The following GABRA3 variants were observed in gnomAD, a reference collection of about 807,000 sequenced individuals.
The protein encoded by GABRA3 is gamma-aminobutyric acid receptor subunit alpha-3.
In GABRA3, 10 loss-of-function variants were observed where a neutral mutation model predicts 30.1. The observed-to-expected ratio is 0.33, with a 90% CI of 0.20 to 0.56. The LOEUF (loss-of-function observed/expected upper bound fraction) is 0.56, where lower values mean the gene tolerates loss of function less well. Among genes scored for constraint, GABRA3 ranks in the 20% least tolerant of loss-of-function variants. GABRA3 has a pLI of 0.89. For synonymous variants in GABRA3, 151 were observed against 146.8 expected, an observed-to-expected ratio of 1.03 and a Z score of -0.21; for missense variants, 233 against 392.0, an observed-to-expected ratio of 0.59 and a Z score of 3.42.
chrX:152,394,472 A>C (rs1185699739), intron 1 of GABRA3: 1 of 387,407 alleles, frequency 2.6e-6, no homozygotes, highest in Non-Finnish European at 5.2e-6. Context: ...CAGGAGTCTG[A>C]GCATTTGACC....
intron 3 of GABRA3, among the ~76,000 whole-genome samples, chrX:152,289,617 T>C (rs1939363832): frequency 9.0e-6 from 1 of 111,059 alleles, no homozygotes; most frequent in South Asian, 3.8e-4. Context: ...GCTGCACCCA[T>C]TAATTCATCA....
chrX:152,172,869 T>C (rs1340129487), intron 9 of GABRA3, among the ~76,000 whole-genome samples: 1 of 110,476 alleles, frequency 9.1e-6, no homozygotes, highest in East Asian at 2.8e-4. Context: ...TTCAGGAGAC[T>C]GCACAGCAAT....
intron 1 of GABRA3, among the ~76,000 whole-genome samples, chrX:152,375,533 T>C (rs1187689199): frequency 8.9e-6 from 1 of 112,249 alleles, no homozygotes; most frequent in Non-Finnish European, 1.9e-5. Context: ...TCACCCAGGC[T>C]CTTGGACTTG....
chrX:152,402,362 C>T (rs755661459), intron 1 of GABRA3, among the ~76,000 whole-genome samples: 14 of 111,745 alleles, frequency 1.3e-4, no homozygotes, highest in African/African-American at 4.2e-4. Flanking sequence ...TAGCATACAG[C>T]GAAAACAAGA....
At position 152,258,619 on chromosome X, in the gene GABRA3, T is replaced by C. The variant is rs143130059; in HGVS notation, c.331-2621A>G. Among the ~76,000 whole-genome samples the C allele has an allele frequency of 5.0e-4, 56 of 111,643 alleles. 1 individual carries two copies. The highest frequency in any genetic ancestry group is 9.4e-3 in the Middle Eastern group (2 of 212). On this transcript the variant is annotated intron_variant, in intron 4 of 9. Transcript: ENST00000370314. ...ATACATTACAATAGATCCCAGCCAG[T>C]ACATAATGAATTTAAAGAATACCAA... is the stretch of plus-strand genomic sequence containing the variant.
chrX:152,367,469 A>G (rs1433513133), intron 1 of GABRA3, among the ~76,000 whole-genome samples: 1 of 112,067 alleles, frequency 8.9e-6, no homozygotes, highest in African/African-American at 3.2e-5. Flanking sequence ...ACCCTACTAA[A>G]GAGCTAAAGG....
At chrX:152,215,880 G>A (rs771167780) in intron 6 of GABRA3, among the ~76,000 whole-genome samples, 1 of 110,950 alleles carries the variant, frequency 9.0e-6, no homozygotes, top group South Asian at 3.7e-4. Flanking sequence ...GTATATCTAA[G>A]GAACTCAAAT....
chrX:152,409,307 C>A (rs957878092), intron 1 of GABRA3, among the ~76,000 whole-genome samples: 3 of 111,757 alleles, frequency 2.7e-5, no homozygotes, highest in Non-Finnish European at 5.6e-5. Context: ...GATTGCACCA[C>A]TGCACTCCAG....
chrX:152,355,711 C>A, intron 2 of GABRA3, among the ~76,000 whole-genome samples: 1 of 111,940 alleles, frequency 8.9e-6, no homozygotes, highest in South Asian at 3.7e-4. Context: ...GCTGCTTAGG[C>A]ACTTACGTGT....
At chrX:152,371,176 C>T (rs1325707346) in intron 1 of GABRA3, among the ~76,000 whole-genome samples, 1 of 111,069 alleles carries the variant, frequency 9.0e-6, no homozygotes, top group Non-Finnish European at 1.9e-5. Flanking sequence ...ACTTCAATGT[C>T]CCACGATCCT....
intron 5 of GABRA3, among the ~76,000 whole-genome samples, chrX:152,230,558 T>C (rs759662038): frequency 9.0e-6 from 1 of 111,148 alleles, no homozygotes; most frequent in Non-Finnish European, 1.9e-5. Flanking sequence ...ACTTACACTT[T>C]CCAGTTTTAA....
chrX:152,214,310 A>G (rs1447143374), intron 6 of GABRA3, among the ~76,000 whole-genome samples: 1 of 111,400 alleles, frequency 9.0e-6, no homozygotes, highest in African/African-American at 3.3e-5. Flanking sequence ...AAATATATAT[A>G]TAGCAATTTT....
chrX:152,402,606 T>G (rs1297906609), intron 1 of GABRA3, among the ~76,000 whole-genome samples: 3 of 111,499 alleles, frequency 2.7e-5, no homozygotes, highest in East Asian at 2.8e-4. Context: ...TGGGTCCCTA[T>G]GCACCTTTCT....
At chrX:152,375,824 T>C (rs1352110597) in intron 1 of GABRA3, among the ~76,000 whole-genome samples, 1 of 112,389 alleles carries the variant, frequency 8.9e-6, no homozygotes, top group Admixed American at 9.4e-5. Flanking sequence ...ACCTTTGTCA[T>C]TCTTCTCAAG....
At chrX:152,423,241 G>A (rs1373530360) in intron 1 of GABRA3, among the ~76,000 whole-genome samples, 2 of 111,897 alleles carry the variant, frequency 1.8e-5, no homozygotes, top group African/African-American at 3.2e-5. Context: ...GGCACAAATG[G>A]TAAAGAGATT....
intron 4 of GABRA3, among the ~76,000 whole-genome samples, chrX:152,261,397 G>C (rs1381641625): frequency 9.0e-6 from 1 of 111,725 alleles, no homozygotes; most frequent in African/African-American, 3.3e-5. Context: ...CGGAGACAAG[G>C]CAAGTCCTTT....
chrX:152,404,865 G>C (rs924553715), intron 1 of GABRA3, among the ~76,000 whole-genome samples: 31 of 107,876 alleles, frequency 2.9e-4, no homozygotes, highest in African/African-American at 9.8e-4. Flanking sequence ...AAAACACATA[G>C]AGTGCAGTCT....
intron 3 of GABRA3, among the ~76,000 whole-genome samples, chrX:152,291,247 A>T (rs952248151): frequency 3.6e-5 from 4 of 111,349 alleles, no homozygotes; most frequent in Non-Finnish European, 7.5e-5. Flanking sequence ...TGTAAGTTGG[A>T]TTCCTAGGTA....
intron 2 of GABRA3, among the ~76,000 whole-genome samples, chrX:152,362,910 T>G (rs1030904975): frequency 1.8e-5 from 2 of 111,973 alleles, no homozygotes; most frequent in African/African-American, 6.5e-5. Flanking sequence ...TTTGTTATGT[T>G]TGTTCTTTAG....
Sources: gnomAD v4.1 joint callset for allele counts (sites outside exome capture counted in the v4.1 genomes callset) on GRCh38, gnomAD v4.1.1 for gene constraint, MANE v1.5 for transcripts, NCBI Gene and HGNC (gene_info 2026-07-23, HGNC 2026-07-21) for gene names.